COL26A1: variants seen among roughly 807,000 people sequenced by gnomAD.
COL26A1 encodes collagen alpha-1(XXVI) chain.
Under a neutral mutation model 59.3 loss-of-function variants are expected in COL26A1, and 41 were observed. That is an observed-to-expected ratio of 0.69 (90% CI 0.54 to 0.90). COL26A1 has a LOEUF of 0.90. Among genes scored for constraint, COL26A1 ranks in the 40% least tolerant of loss-of-function variants. The pLI is 0.00. For synonymous variants in COL26A1, 266 were observed against 256.0 expected (o/e 1.04, Z -0.37); for missense variants, 612 against 602.3 (o/e 1.02, Z -0.17).
intron 10 of COL26A1, among the ~76,000 whole-genome samples, chr7:101,551,568 G>A (rs1036226012): frequency 2.4e-4 from 37 of 152,112 alleles, no homozygotes; most frequent in Admixed American, 1.0e-3. Context: ...CCAACATGGT[G>A]AAACCCTGTC....
At chr7:101,489,442 G>T (rs2130516152) in intron 3 of COL26A1, among the ~76,000 whole-genome samples, 1 of 152,342 alleles carries the variant, frequency 6.6e-6, no homozygotes, top group South Asian at 2.1e-4. Context: ...TACAGGAACA[G>T]GGTCCTGATC....
At chr7:101,512,591 C>T (rs1015154922) in intron 3 of COL26A1, among the ~76,000 whole-genome samples, 1 of 152,188 alleles carries the variant, frequency 6.6e-6, no homozygotes, top group East Asian at 1.9e-4. Context: ...CACTGCACTC[C>T]AGCCTGGGCA....
intron 4 of COL26A1, among the ~76,000 whole-genome samples, chr7:101,536,262 C>T (rs954217282): frequency 5.3e-5 from 8 of 152,238 alleles, no homozygotes; most frequent in Admixed American, 2.0e-4. Context: ...GTGATCTGCT[C>T]GCCTTGGCCT....
At chr7:101,386,767 GAAC>G (rs1270087793) in intron 1 of COL26A1, among the ~76,000 whole-genome samples, 1 of 152,222 alleles carries the variant, frequency 6.6e-6, no homozygotes, top group Non-Finnish European at 1.5e-5. Context: ...AACCAGGAGT[GAAC>G]AGGGAGCACG....
intron 2 of COL26A1, among the ~76,000 whole-genome samples, chr7:101,427,226 TA>T (rs1792669949): frequency 2.6e-5 from 4 of 152,192 alleles, no homozygotes; most frequent in Admixed American, 2.6e-4. Flanking sequence ...CCTGGCTAAT[TA>T]AAAAATTTTG....
chr7:101,483,848 G>C (rs6415336), intron 3 of COL26A1, among the ~76,000 whole-genome samples: 77,373 of 151,596 alleles, frequency 0.51, 21,178 homozygotes, highest in African/African-American at 0.7. Flanking sequence ...CTAAATTTTT[G>C]TATGTTTAGT....
chr7:101,488,682 C>A (rs1208031781), intron 3 of COL26A1, among the ~76,000 whole-genome samples: 1 of 152,192 alleles, frequency 6.6e-6, no homozygotes, highest in South Asian at 2.1e-4. Flanking sequence ...GAACTTTAAC[C>A]AGTTTTAAGC....
chr7:101,535,126 C>T (rs371233987), intron 4 of COL26A1, among the ~76,000 whole-genome samples: 2 of 152,262 alleles, frequency 1.3e-5, no homozygotes, highest in African/African-American at 4.8e-5. Context: ...CAGCCCAGGC[C>T]CCTGGGCACA....
chr7:101,514,055 G>A (rs778897245), intron 3 of COL26A1, among the ~76,000 whole-genome samples: 4 of 152,110 alleles, frequency 2.6e-5, no homozygotes, highest in Non-Finnish European at 5.9e-5. Flanking sequence ...CCACAACAAG[G>A]CTCGGCACGG....
At chr7:101,445,503 G>A (rs1206118656) in intron 2 of COL26A1, among the ~76,000 whole-genome samples, 1 of 151,106 alleles carries the variant, frequency 6.6e-6, no homozygotes, top group Non-Finnish European at 1.5e-5. Flanking sequence ...AGGCCGAGGC[G>A]GGCGGATCAC....
At chr7:101,458,804 C>CTTTTTT (rs35208249) in intron 3 of COL26A1, among the ~76,000 whole-genome samples, 3 of 140,430 alleles carry the variant, frequency 2.1e-5, no homozygotes, top group African/African-American at 5.3e-5. Context: ...AAACCTGGGT[C>CTTTTTT]TTTTTTTTTT....
At chr7:101,488,956 G>A (rs1485248725) in intron 3 of COL26A1, among the ~76,000 whole-genome samples, 1 of 152,132 alleles carries the variant, frequency 6.6e-6, no homozygotes, top group Non-Finnish European at 1.5e-5. Flanking sequence ...TGTGTCCGGT[G>A]GAATGCAATT....
chr7:101,473,639 C>A (rs140686557), intron 3 of COL26A1, among the ~76,000 whole-genome samples: 4 of 128,994 alleles, frequency 3.1e-5, no homozygotes, highest in Admixed American at 7.4e-5. Flanking sequence ...CACACACACA[C>A]ACACACACAC....
chr7:101,523,445 A>G (rs34273130), intron 3 of COL26A1, among the ~76,000 whole-genome samples: 40,023 of 152,094 alleles, frequency 0.26, 5,407 homozygotes, highest in Middle Eastern at 0.35. Context: ...CCTGCTTAAG[A>G]ACTCTATTTT....
intron 3 of COL26A1, among the ~76,000 whole-genome samples, chr7:101,480,760 C>T (rs1794139057): frequency 6.6e-6 from 1 of 152,196 alleles, no homozygotes; most frequent in Admixed American, 6.6e-5. Context: ...GCCTTGGCCT[C>T]CCAAAGTGCT....
chr7:101,550,255 G>A (rs1233101182), intron 9 of COL26A1, among the ~76,000 whole-genome samples: 3 of 152,164 alleles, frequency 2.0e-5, no homozygotes, highest in Admixed American at 6.5e-5. Flanking sequence ...GAGCCCGGGA[G>A]TTTGAGACCA....
chr7:101,544,086 G>T lies in COL26A1; in HGVS notation c.693G>T (p.Ala231=). 1 of 1,601,230 alleles carries T rather than the reference G, an allele frequency of 6.2e-7. No individual in the cohort carries two copies. Residue 231 remains alanine, a synonymous_variant, in exon 6 of 13, where the codon GCG becomes GCT. Coordinates refer to ENST00000313669, the MANE Select transcript of COL26A1 (RefSeq NM_001278563.3). ...GCCAGACAGGAGAGAAGGGTCCAGC[G>T]GGGCCGCCTGGTAAGAAAACCCCCC... ...DRGQTGEKGP[A]GPPGLLGPPG... is the part of the protein sequence containing the mutation.
chr7:101,373,782 T>C (rs939942541), intron 1 of COL26A1, among the ~76,000 whole-genome samples: 1 of 152,206 alleles, frequency 6.6e-6, no homozygotes, highest in African/African-American at 2.4e-5. Context: ...GATGTTAATA[T>C]CAGTGAGACC....
chr7:101,452,175 C>G (rs1793355752), intron 3 of COL26A1, among the ~76,000 whole-genome samples: 1 of 152,124 alleles, frequency 6.6e-6, no homozygotes, highest in African/African-American at 2.4e-5. Flanking sequence ...GAAGGTTAGT[C>G]CCTCAGCTTT....
Sources: allele counts gnomAD v4.1 joint callset (sites outside exome capture counted in the v4.1 genomes callset), GRCh38; gene constraint gnomAD v4.1.1; transcripts MANE v1.5; gene names NCBI Gene and HGNC (gene_info 2026-07-23, HGNC 2026-07-21).